The following EYS variants were observed in gnomAD, a reference collection of about 807,000 sequenced individuals.
The protein encoded by EYS is EGF-like photoreceptor maintenance factor.
Under a neutral mutation model 282.1 loss-of-function variants are expected in EYS, and 250 were observed. The observed-to-expected ratio is 0.89, with a 90% CI of 0.80 to 0.98. The LOEUF (loss-of-function observed/expected upper bound fraction) is 0.98. EYS is among the 50% of genes least tolerant of loss of function. The probability of loss-of-function intolerance (pLI) is 0.00; values close to 1 mark genes in which losing one functional copy is unlikely to be tolerated. For missense variants in EYS, 4,016 were observed against 3,709.0 expected, an observed-to-expected ratio of 1.08 and a Z score of -2.15; for synonymous variants, 1,355 against 1,282.9, an observed-to-expected ratio of 1.06 and a Z score of -1.20.
At chr6:65,103,539 A>G (rs1774951601) in intron 12 of EYS, among the ~76,000 whole-genome samples, 1 of 151,466 alleles carries the variant, frequency 6.6e-6, no homozygotes, top group African/African-American at 2.4e-5. Flanking sequence ...TCCTGATGGG[A>G]CCCATGCTGT....
At chr6:64,597,336 A>G (rs1198119129) in intron 24 of EYS, among the ~76,000 whole-genome samples, 1 of 152,214 alleles carries the variant, frequency 6.6e-6, no homozygotes, top group Admixed American at 6.5e-5. Context: ...AAATAGAACT[A>G]CGATTCAATT....
intron 26 of EYS, among the ~76,000 whole-genome samples, chr6:64,531,596 T>TTATTTTATTTTATTTTATTTTATTG (rs1053449220): frequency 3.8e-4 from 57 of 149,638 alleles, no homozygotes; most frequent in South Asian, 1.5e-3. Flanking sequence ...TTATTTTATT[T>TTATTTTATTTTATTTTATTTTATTG]TATTTTTTGT....
intron 31 of EYS, among the ~76,000 whole-genome samples, chr6:64,176,913 G>T (rs1764654141): frequency 6.6e-6 from 1 of 151,866 alleles, no homozygotes; most frequent in Non-Finnish European, 1.5e-5. Flanking sequence ...TTGACTTTAT[G>T]ACAAAGTTGA....
chr6:64,886,912 T>A (rs1266122553), intron 18 of EYS, 70 bp from the exon 19 acceptor site: 15 of 899,220 alleles, frequency 1.7e-5, no homozygotes, highest in Non-Finnish European at 2.2e-5. Context: ...ATGATTCATA[T>A]TTATATTTTA....
chr6:64,674,365 A>AT lies in EYS; in HGVS notation c.3444-48121dup, dbSNP rs533829479. On this transcript the variant is annotated intron_variant, in intron 22 of 42. Transcript: ENST00000503581. ...TATTTCAATTTGGCAAAGTGTGTCCATTTTTTTTTCTTATGTGATGGGAAG... is the reference window on the plus strand; with the variant it reads ...TATTTCAATTTGGCAAAGTGTGTCCATTTTTTTTTTCTTATGTGATGGGAAG... Among the ~76,000 whole-genome samples, 84 of 150,256 alleles carry AT rather than the reference A, an allele frequency of 5.6e-4. 3 individuals carry two copies. The East Asian group carries it at 9.5e-3, about 17-fold the overall frequency.
intron 2 of EYS, among the ~76,000 whole-genome samples, chr6:65,626,675 C>T (rs1339101924): frequency 2.0e-5 from 3 of 151,914 alleles, no homozygotes; most frequent in Non-Finnish European, 4.4e-5. Context: ...GAATACAGAC[C>T]AGGAATGGAG....
intron 36 of EYS, among the ~76,000 whole-genome samples, chr6:63,828,689 A>G (rs1195399036): frequency 6.6e-6 from 1 of 152,230 alleles, no homozygotes; most frequent in Non-Finnish European, 1.5e-5. Context: ...ACAAATGGCC[A>G]ACAAACATCT....
chr6:64,893,522 G>A (rs188010729), intron 18 of EYS, among the ~76,000 whole-genome samples: 46 of 151,930 alleles, frequency 3.0e-4, no homozygotes, highest in Non-Finnish European at 4.7e-4. Context: ...TTTATCAATA[G>A]GTTAAGTTTT....
At chr6:64,608,023 G>A (rs1000440438) in intron 24 of EYS, among the ~76,000 whole-genome samples, 15 of 151,920 alleles carry the variant, frequency 9.9e-5, no homozygotes, top group Non-Finnish European at 5.9e-5. Flanking sequence ...ACGTTTTAAT[G>A]GAAGCTTATG....
intron 41 of EYS, among the ~76,000 whole-genome samples, chr6:63,749,806 G>C (rs1272498952): frequency 3.3e-5 from 5 of 152,080 alleles, no homozygotes; most frequent in Admixed American, 3.3e-4. Context: ...CCCCTCCAGG[G>C]GTCCCAACTT....
intron 12 of EYS, among the ~76,000 whole-genome samples, chr6:65,179,274 G>A (rs1765309867): frequency 1.3e-5 from 2 of 151,888 alleles, no homozygotes; most frequent in Non-Finnish European, 2.9e-5. Context: ...ATGAATCCAG[G>A]AGCTGGTTTT....
intron 31 of EYS, among the ~76,000 whole-genome samples, chr6:64,111,557 T>C (rs1273673004): frequency 6.6e-6 from 1 of 152,028 alleles, no homozygotes; most frequent in Admixed American, 6.6e-5. Context: ...AGTGAATGTC[T>C]GAGGTTTGAA....
chr6:64,630,281 T>C (rs1421137452), intron 22 of EYS, among the ~76,000 whole-genome samples: 1 of 152,046 alleles, frequency 6.6e-6, no homozygotes, highest in Non-Finnish European at 1.5e-5. Context: ...GTATTTTTAA[T>C]AGAGACGGGA....
chr6:64,989,710 AATT>A (rs1770995882), intron 14 of EYS, among the ~76,000 whole-genome samples: 1 of 144,914 alleles, frequency 6.9e-6, no homozygotes, highest in Admixed American at 7.0e-5. Context: ...CTTATGTATA[AATT>A]ATAATATAAT....
At chr6:63,797,396 A>C (rs1770672423) in intron 37 of EYS, 1 of 152,238 alleles carries the variant, frequency 6.6e-6, no homozygotes, top group Non-Finnish European at 1.5e-5. Context: ...CTGCCGGAAC[A>C]AGATGTATCG....
intron 35 of EYS, among the ~76,000 whole-genome samples, chr6:63,897,310 A>G (rs534081235): frequency 1.3e-5 from 2 of 152,296 alleles, no homozygotes; most frequent in South Asian, 4.1e-4. Flanking sequence ...TCAATGTTTT[A>G]TCTGTGTTTG....
At chr6:64,331,911 C>G (rs1364697634) in intron 29 of EYS, among the ~76,000 whole-genome samples, 1 of 152,096 alleles carries the variant, frequency 6.6e-6, no homozygotes, top group African/African-American at 2.4e-5. Flanking sequence ...CATTTCCCAC[C>G]AGGACAGAGA....
At chr6:64,742,801 G>A (rs186716573) in intron 22 of EYS, among the ~76,000 whole-genome samples, 1 of 152,240 alleles carries the variant, frequency 6.6e-6, no homozygotes, top group Admixed American at 6.5e-5. Context: ...CAGGACCTCA[G>A]AGGGAATGGC....
chr6:64,662,825 G>A (rs1035157636), intron 22 of EYS, among the ~76,000 whole-genome samples: 15 of 152,132 alleles, frequency 9.9e-5, no homozygotes, highest in African/African-American at 2.4e-4. Flanking sequence ...AGATCACGCA[G>A]TTAGCAAATA....
Sources: allele counts gnomAD v4.1 joint callset (sites outside exome capture counted in the v4.1 genomes callset), GRCh38; gene constraint gnomAD v4.1.1; transcripts MANE v1.5; gene names NCBI Gene and HGNC (gene_info 2026-07-23, HGNC 2026-07-21).